The following FOXC1 variants were observed in gnomAD, a reference collection of about 807,000 sequenced individuals.
FOXC1 encodes the protein forkhead box protein C1.
FOXC1 carries 5 observed loss-of-function variants against 8.1 expected under a neutral mutation model. The ratio of observed to expected loss-of-function variants is 0.62; its 90% CI spans 0.32 to 1.30. The LOEUF (loss-of-function observed/expected upper bound fraction) is 1.30. FOXC1 is among the 50% of genes most tolerant of loss of function. FOXC1 has a pLI of 0.05. For synonymous variants in FOXC1, 552 were observed against 417.2 expected, an observed-to-expected ratio of 1.32 and a Z score of -3.94; for missense variants, 942 against 858.0, an observed-to-expected ratio of 1.10 and a Z score of -1.22.
chr6:1,611,567 GGGCGGC>G lies in FOXC1; in HGVS notation c.1136_1141del (p.Gly379_Gly380del), dbSNP rs76840944. 71 of 1,142,748 alleles carry G rather than the reference GGGCGGC, an allele frequency of 6.2e-5. 1 individual carries two copies. The highest frequency in any genetic ancestry group is 5.1e-4 in the South Asian group (14 of 27,466). 70.8% of individuals were successfully genotyped at this position (1,142,748 alleles called of 1,614,324 possible). A position where few individuals can be genotyped will look rare whatever the true frequency, so the allele number is the denominator to read the frequency against. ...GCCAGACCTCCAGCGCGGGCAGCTC[GGGCGGC>G]GGCGGCGGCGGCGCGGGGGCCGCGG... On this transcript the variant is annotated inframe_deletion, in exon 1 of 1. Transcript: ENST00000645831. The surrounding 1 kb of genome is among the most constrained non-coding windows in gnomAD (Gnocchi z 7.1).
rs1363320651 is a variant in FOXC1 at position 1,610,463 on chromosome 6, C to T, written c.18C>T (p.Ser6=). Residue 6 remains serine, a synonymous_variant, in exon 1 of 1, where the codon TCC becomes TCT. Transcript: ENST00000645831. ...CGGGGGCCATGCAGGCGCGCTACTC[C>T]GTGTCCAGCCCCAACTCCCTGGGAG... MQARY[S]VSSPNSLGVV... is the part of the protein sequence containing the mutation. The T allele has an allele frequency of 5.5e-6, 8 of 1,445,618 alleles. No homozygotes were observed. In the East Asian group the frequency reaches 1.1e-4, roughly 19 times the overall value. 89.5% of individuals were successfully genotyped at this position (1,445,618 alleles called of 1,614,324 possible). A position where few individuals can be genotyped will look rare whatever the true frequency, so the allele number is the denominator to read the frequency against.
chr6:1,611,303 C>T lies in FOXC1; in HGVS notation c.858C>T (p.Asp286=), dbSNP rs1762539784. Reference sequence around the variant, plus strand: ...CGTCGGCGCGGCCGCTCAGCCTGGACGGTGCGGATTCCGCGCCGCCGCCGC... The same window carrying T: ...CGTCGGCGCGGCCGCTCAGCCTGGATGGTGCGGATTCCGCGCCGCCGCCGC... ...SLPSARPLSL[D]GADSAPPPPA... is the part of the protein sequence containing the mutation. Residue 286 remains aspartate, a synonymous_variant, in exon 1 of 1, where the codon GAC becomes GAT. Coordinates refer to ENST00000645831, the MANE Select transcript of FOXC1 (RefSeq NM_001453.3). The surrounding 1 kb of genome is among the most constrained non-coding windows in gnomAD (Gnocchi z 7.1). 7.1e-7 allele frequency: 1 copy of T among 1,414,438 alleles called. No homozygotes were observed. The highest frequency in any genetic ancestry group is 1.5e-5 in the African/African-American group (1 of 65,800). The allele number at this position is 1,414,438 out of a possible 1,614,324, so 87.6% of individuals were successfully genotyped here.
In FOXC1 at chr6:1,612,266, T is replaced by C; in HGVS notation, c.*159T>C. The C allele has an allele frequency of 9.0e-7, 1 of 1,112,192 alleles. No individual in the cohort carries two copies. The highest frequency in any genetic ancestry group is 2.6e-5 in the East Asian group (1 of 39,028). The allele number at this position is 1,112,192 out of a possible 1,614,324, so 68.9% of individuals were successfully genotyped here. On this transcript the variant is annotated 3_prime_UTR_variant, in exon 1 of 1. Transcript: ENST00000645831. Reference sequence around the variant, plus strand: ...CAGAATATCCCTCCAAAAATTCAGCTCACCAGCACCAGCACGAAGAAAACT... The same window carrying C: ...CAGAATATCCCTCCAAAAATTCAGCCCACCAGCACCAGCACGAAGAAAACT...
Position 1,611,156 on chromosome 6 carries a change from C to A in FOXC1, c.711C>A (p.Pro237=). 2.1e-6 allele frequency: 3 copies of A among 1,452,184 alleles called. No homozygotes were observed. Among genetic ancestry groups the A allele is most frequent in the Non-Finnish European group, 2.7e-6 (3 of 1,096,638 alleles). The allele number at this position is 1,452,184 out of a possible 1,614,324, so 90.0% of individuals were successfully genotyped here. A position where few individuals can be genotyped will look rare whatever the true frequency, so the allele number is the denominator to read the frequency against. The change falls in exon 1 of 1, where the codon CCC becomes CCA. Residue 237 remains proline (P), a synonymous_variant. Coordinates refer to ENST00000645831, the MANE Select transcript of FOXC1 (RefSeq NM_001453.3). The surrounding 1 kb of genome is among the most constrained non-coding windows in gnomAD (Gnocchi z 7.1). ...AGAACGGTACGTGCCCCTCGCCGCCCCAGCCCCTGTCCCCGGCCGCCGCCC... is the reference window on the plus strand; with the variant it reads ...AGAACGGTACGTGCCCCTCGCCGCCACAGCCCCTGTCCCCGGCCGCCGCCC... The part of the protein sequence containing the change: ...KTENGTCPSP[P]QPLSPAAALG...
Position 1,610,790 on chromosome 6 carries a change from C to T in FOXC1, c.345C>T (p.Tyr115=). Residue 115 remains tyrosine (Y), a synonymous_variant, in exon 1 of 1, where the codon TAC becomes TAT. Transcript: ENST00000645831. The stretch of plus-strand genomic sequence containing the variant: ...TCATCATGGACCGCTTCCCCTTCTA[C>T]CGGGACAACAAGCAGGGCTGGCAGA... ...YQFIMDRFPF[Y]RDNKQGWQNS... 3.7e-6 allele frequency: 6 copies of T among 1,614,068 alleles called. No individual in the cohort carries two copies. The highest frequency in any genetic ancestry group is 5.1e-6 in the Non-Finnish European group (6 of 1,180,006).
At position 1,611,669 on chromosome 6, in the gene FOXC1, CG is replaced by C. The variant is rs1554101076; in HGVS notation, c.1229del (p.Gly410AlafsTer35). 4 of 1,396,992 alleles carry C rather than the reference CG, an allele frequency of 2.9e-6. No homozygotes were observed. The highest frequency in any genetic ancestry group is 1.5e-5 in the South Asian group (1 of 65,170). The allele number at this position is 1,396,992 out of a possible 1,614,324, so 86.5% of individuals were successfully genotyped here. A position where few individuals can be genotyped will look rare whatever the true frequency, so the allele number is the denominator to read the frequency against. Reference sequence around the variant, plus strand: ...TGAGCCTGTACGCGGCCGGCGAGCGCGGGGGCCACTTGCAGGGCGCGCCCGG... The same window carrying C: ...TGAGCCTGTACGCGGCCGGCGAGCGCGGGGCCACTTGCAGGGCGCGCCCGG... ...AMSLYAAGERGGHLQGAPGGA... is the reference protein window; with the variant it reads ...AMSLYAAGERXGHLQGAPGGA... On this transcript the variant is annotated frameshift_variant, in exon 1 of 1. Transcript: ENST00000645831. LOFTEE classifies it low-confidence loss of function (END_TRUNC). This position sits in a 1 kb window ranked among gnomAD's most constrained non-coding sequence, Gnocchi z 7.1.
Position 1,611,784 on chromosome 6 carries a change from G to T in FOXC1, c.1339G>T (p.Gly447Cys). The T allele has an allele frequency of 9.2e-7, 1 of 1,087,962 alleles. No individual in the cohort carries two copies. Among genetic ancestry groups the T allele is most frequent in the Non-Finnish European group, 1.2e-6 (1 of 818,050 alleles). The allele number at this position is 1,087,962 out of a possible 1,614,324, so 67.4% of individuals were successfully genotyped here. ...TSSSSSSLSHGGGGGGGGGGQ... is the reference protein window; with the variant it reads ...TSSSSSSLSHCGGGGGGGGGQ... ...CAGCAGCTCGTCGTCCCTGAGTCACGGCGGCGGCGGCGGCGGCGGCGGGGG... is the reference window on the plus strand; with the variant it reads ...CAGCAGCTCGTCGTCCCTGAGTCACTGCGGCGGCGGCGGCGGCGGCGGGGG... Residue 447 changes from glycine (G) to cysteine (C), a missense_variant, in exon 1 of 1, where the codon GGC becomes TGC. Physicochemically the swap from Gly to Cys is radical, Grantham distance 159. Around this residue, in one of 4 missense-constraint regions of FOXC1, gnomAD observed 726 missense variants for 599.6 expected, o/e 1.21. Coordinates refer to ENST00000645831, the MANE Select transcript of FOXC1 (RefSeq NM_001453.3). The surrounding 1 kb of genome is among the most constrained non-coding windows in gnomAD (Gnocchi z 7.1).
In FOXC1 at chr6:1,611,831, C is replaced by T. The variant is rs1413952291; in HGVS notation, c.1386C>T (p.His462=). Residue 462 remains histidine (H), a synonymous_variant, in exon 1 of 1, where the codon CAC becomes CAT. Coordinates refer to ENST00000645831, the MANE Select transcript of FOXC1 (RefSeq NM_001453.3). This position sits in a 1 kb window ranked among gnomAD's most constrained non-coding sequence, Gnocchi z 7.1. Reference sequence around the variant, plus strand: ...GGGGAGGCCAGGAGGCCGGCCACCACCCTGCGGCCCACCAAGGCCGCCTCA... The same window carrying T: ...GGGGAGGCCAGGAGGCCGGCCACCATCCTGCGGCCCACCAAGGCCGCCTCA... The part of the protein sequence containing the change: ...GGGGGQEAGH[H]PAAHQGRLTS... 1.2e-5 allele frequency: 18 copies of T among 1,526,588 alleles called. No individual in the cohort carries two copies. Among genetic ancestry groups the T allele is most frequent in the Non-Finnish European group, 1.6e-5 (18 of 1,138,020 alleles). 94.6% of individuals were successfully genotyped at this position (1,526,588 alleles called of 1,614,324 possible).
rs1403615454 is a variant in FOXC1 at position 1,612,943 on chromosome 6, C to A, written c.*836C>A. 4.5e-6 allele frequency: 1 copy of A among 221,756 alleles called. No homozygotes were observed. Among genetic ancestry groups the A allele is most frequent in the Admixed American group, 5.9e-5 (1 of 16,870 alleles). 13.7% of individuals were successfully genotyped at this position (221,756 alleles called of 1,614,324 possible). A position where few individuals can be genotyped will look rare whatever the true frequency, so the allele number is the denominator to read the frequency against. Reference sequence around the variant, plus strand: ...AATCTCTGAAAAATGGAGAAACCCTCTGACTAGTCCATGTCAAATTTTACT... The same window carrying A: ...AATCTCTGAAAAATGGAGAAACCCTATGACTAGTCCATGTCAAATTTTACT... On this transcript the variant is annotated 3_prime_UTR_variant, in exon 1 of 1. Transcript: ENST00000645831.
In FOXC1 at chr6:1,611,389, C is replaced by T. The variant is rs1762542786; in HGVS notation, c.944C>T (p.Thr315Met). 1 of 1,451,320 alleles carries T rather than the reference C, an allele frequency of 6.9e-7. No individual in the cohort carries two copies. Among genetic ancestry groups the T allele is most frequent in the Non-Finnish European group, 9.1e-7 (1 of 1,103,998 alleles). 89.9% of individuals were successfully genotyped at this position (1,451,320 alleles called of 1,614,324 possible). A position where few individuals can be genotyped will look rare whatever the true frequency, so the allele number is the denominator to read the frequency against. Residue 315 changes from threonine (T) to methionine (M), a missense_variant, in exon 1 of 1, where the codon ACG (threonine) becomes ATG (methionine). Transcript: ENST00000645831. The surrounding 1 kb of genome is among the most constrained non-coding windows in gnomAD (Gnocchi z 7.1). The part of the protein sequence containing the change: ...SQGFSVDNIM[T>M]SLRGSPQSAA... ...GGCTTCAGCGTGGACAACATCATGA[C>T]GTCGCTGCGGGGGTCGCCGCAGAGC...
rs1284950087 is a variant in FOXC1, at chr6:1,611,344, C to G, written c.899C>G (p.Pro300Arg). ...CCGCCGCCGCCCGCGCCCTCCGCCC[C>G]GCCGCCGCACCATAGCCAGGGCTTC... ...SAPPPPAPSAPPPHHSQGFSV... is the reference protein window; with the variant it reads ...SAPPPPAPSARPPHHSQGFSV... Residue 300 changes from proline (P) to arginine (R), a missense_variant, in exon 1 of 1, where the codon CCG becomes CGG. Pro to Arg is a moderately radical substitution (Grantham distance 103, BLOSUM62 -2). Coordinates refer to ENST00000645831, the MANE Select transcript of FOXC1 (RefSeq NM_001453.3). This position sits in a 1 kb window ranked among gnomAD's most constrained non-coding sequence, Gnocchi z 7.1. 19 of 1,422,908 alleles carry G rather than the reference C, an allele frequency of 1.3e-5. No individual in the cohort carries two copies. Among genetic ancestry groups the G allele is most frequent in the Non-Finnish European group, 1.5e-5 (16 of 1,087,022 alleles). The allele number at this position is 1,422,908 out of a possible 1,614,324, so 88.1% of individuals were successfully genotyped here. A position where few individuals can be genotyped will look rare whatever the true frequency, so the allele number is the denominator to read the frequency against.
Position 1,612,333 on chromosome 6 carries a change from C to T in FOXC1, c.*226C>T. On this transcript the variant is annotated 3_prime_UTR_variant, in exon 1 of 1. Coordinates refer to ENST00000645831, the MANE Select transcript of FOXC1 (RefSeq NM_001453.3). ...TTAATTCAGAGCCACCTCCACTTTG[C>T]CTTGTCTAAATAAACAAACCCGTAA... 1 of 685,578 alleles carries T rather than the reference C, an allele frequency of 1.5e-6. No homozygotes were observed. Among genetic ancestry groups the T allele is most frequent in the Non-Finnish European group, 2.5e-6 (1 of 402,640 alleles). The allele number at this position is 685,578 out of a possible 1,614,324, so 42.5% of individuals were successfully genotyped here. A position where few individuals can be genotyped will look rare whatever the true frequency, so the allele number is the denominator to read the frequency against.
Position 1,611,212 on chromosome 6 carries a change from A to C in FOXC1, c.767A>C (p.Lys256Thr), listed in dbSNP as rs1235390240. ...AGCGGCAGCGCCGCCGCGGTGCCCA[A>C]GATCGAGAGCCCCGACAGCAGCAGC... ...LGSGSAAAVP[K>T]IESPDSSSSS... is the part of the protein sequence containing the mutation. The change falls in exon 1 of 1, where the codon AAG becomes ACG. Residue 256 changes from lysine to threonine, a missense_variant. Transcript: ENST00000645831. The surrounding 1 kb of genome is among the most constrained non-coding windows in gnomAD (Gnocchi z 7.1). 1.4e-6 allele frequency: 2 copies of C among 1,458,392 alleles called. No individual in the cohort carries two copies. The highest frequency in any genetic ancestry group is 1.8e-6 in the Non-Finnish European group (2 of 1,105,692). The allele number at this position is 1,458,392 out of a possible 1,614,324, so 90.3% of individuals were successfully genotyped here.
rs1440333143 is a variant in FOXC1, at chr6:1,613,661, T to A, written c.*1554T>A. 1.5e-5 allele frequency: 3 copies of A among 196,706 alleles called. No individual in the cohort carries two copies. Among genetic ancestry groups the A allele is most frequent in the African/African-American group, 2.4e-5 (1 of 41,910 alleles). 12.2% of individuals were successfully genotyped at this position (196,706 alleles called of 1,614,324 possible). On this transcript the variant is annotated 3_prime_UTR_variant, in exon 1 of 1. Coordinates refer to ENST00000645831, the MANE Select transcript of FOXC1 (RefSeq NM_001453.3). Reference sequence around the variant, plus strand: ...AAATAACCCAGGAAATGTAATAAATTCATTATCTTAGGGTGATCTGCCCTG... The same window carrying A: ...AAATAACCCAGGAAATGTAATAAATACATTATCTTAGGGTGATCTGCCCTG...
rs767219815 is a variant in FOXC1, at chr6:1,611,411, G to A, written c.966G>A (p.Gln322=). 6.9e-7 allele frequency: 1 copy of A among 1,448,042 alleles called. No individual in the cohort carries two copies. The highest frequency in any genetic ancestry group is 1.3e-5 in the South Asian group (1 of 76,544). 89.7% of individuals were successfully genotyped at this position (1,448,042 alleles called of 1,614,324 possible). A position where few individuals can be genotyped will look rare whatever the true frequency, so the allele number is the denominator to read the frequency against. ...NIMTSLRGSP[Q]SAAAELSSGL... is the part of the protein sequence containing the mutation. ...TGACGTCGCTGCGGGGGTCGCCGCA[G>A]AGCGCGGCCGCGGAGCTCAGCTCCG... Residue 322 remains glutamine, a synonymous_variant, in exon 1 of 1, where the codon CAG becomes CAA. Transcript: ENST00000645831. The surrounding 1 kb of genome is among the most constrained non-coding windows in gnomAD (Gnocchi z 7.1).
chr6:1,610,664 C>G lies in FOXC1; in HGVS notation c.219C>G (p.Pro73=). ...GGCCCTACACGCCGCAGCCGCAGCC[C>G]AAGGACATGGTGAAGCCGCCCTATA... is the stretch of plus-strand genomic sequence containing the variant. ...AYGPYTPQPQ[P]KDMVKPPYSY... is the part of the protein sequence containing the mutation. Residue 73 remains proline, a synonymous_variant, in exon 1 of 1, where the codon CCC becomes CCG. Coordinates refer to ENST00000645831, the MANE Select transcript of FOXC1 (RefSeq NM_001453.3). The G allele has an allele frequency of 6.2e-7, 1 of 1,613,584 alleles. No homozygotes were observed. The highest frequency in any genetic ancestry group is 8.5e-7 in the Non-Finnish European group (1 of 1,179,976).
In FOXC1 at chr6:1,613,199, C is replaced by T. The variant is rs190526847; in HGVS notation, c.*1092C>T. On this transcript the variant is annotated 3_prime_UTR_variant, in exon 1 of 1. Coordinates refer to ENST00000645831, the MANE Select transcript of FOXC1 (RefSeq NM_001453.3). ...CTGTGTGCCGAGAGATGGGACTGTG[C>T]GGCCAGATATGCACAGATAAATATT... is the stretch of plus-strand genomic sequence containing the variant. 4.2e-6 allele frequency: 1 copy of T among 240,336 alleles called. No individual in the cohort carries two copies. The highest frequency in any genetic ancestry group is 8.8e-6 in the Non-Finnish European group (1 of 113,416). The allele number at this position is 240,336 out of a possible 1,614,324, so 14.9% of individuals were successfully genotyped here.
At position 1,610,015 on chromosome 6, in the gene FOXC1, G is replaced by GCC. The variant is rs562673925; in HGVS notation, c.-418_-417dup. 2.2e-5 allele frequency: 2 copies of GCC among 92,688 alleles called. No homozygotes were observed. The highest frequency in any genetic ancestry group is 4.7e-5 in the African/African-American group (1 of 21,488). 5.7% of individuals were successfully genotyped at this position (92,688 alleles called of 1,614,324 possible). A position where few individuals can be genotyped will look rare whatever the true frequency, so the allele number is the denominator to read the frequency against. The stretch of plus-strand genomic sequence containing the variant: ...GGCCCGGGCAGGCGGCCGGCGCGCG[G>GCC]CCCCCCCCCCCCCCGCCCTGGTTAT... On this transcript the variant is annotated 5_prime_UTR_variant, in exon 1 of 1. Transcript: ENST00000645831.
chr6:1,612,111 AC>A lies in FOXC1; in HGVS notation c.*7del. On this transcript the variant is annotated 3_prime_UTR_variant, in exon 1 of 1. Coordinates refer to ENST00000645831, the MANE Select transcript of FOXC1 (RefSeq NM_001453.3). ...CTACGACTGTAGCAAGTTTTGACACACCCTCAAAGCCGAACTAAATCGAACC... is the reference window on the plus strand; with the variant it reads ...CTACGACTGTAGCAAGTTTTGACACACCTCAAAGCCGAACTAAATCGAACC... 1.9e-6 allele frequency: 3 copies of A among 1,613,796 alleles called. No homozygotes were observed. The highest frequency in any genetic ancestry group is 2.5e-6 in the Non-Finnish European group (3 of 1,179,990).
Sources: allele counts gnomAD v4.1 joint callset, GRCh38; gene constraint gnomAD v4.1.1; regional missense constraint gnomAD v4.1.1; non-coding constraint Gnocchi (gnomAD v3.1); transcripts MANE v1.5; gene names NCBI Gene and HGNC (gene_info 2026-07-23, HGNC 2026-07-21).